The following FAM98B variants were observed in gnomAD, a reference collection of about 807,000 sequenced individuals.
FAM98B encodes the protein tRNA splicing ligase complex subunit 3B.
FAM98B carries 32 observed loss-of-function variants against 43.9 expected under a neutral mutation model. The observed-to-expected ratio is 0.73, with a 90% CI of 0.55 to 0.98. The LOEUF (loss-of-function observed/expected upper bound fraction) is 0.98, where lower values mean the gene tolerates loss of function less well. Among genes scored for constraint, FAM98B ranks in the 50% least tolerant of loss-of-function variants. FAM98B has a pLI of 0.00. For missense variants in FAM98B, 514 were observed against 522.9 expected (o/e 0.98, Z 0.17); for synonymous variants, 190 against 174.0 (o/e 1.09, Z -0.72).
At chr15:38,467,403 C>T (rs546349182) in intron 3 of FAM98B, among the ~76,000 whole-genome samples, 4 of 152,138 alleles carry the variant, frequency 2.6e-5, no homozygotes, top group Non-Finnish European at 5.9e-5. Context: ...CATGAACACG[C>T]ATTCTACAGA....
chr15:38,479,886 T>C (rs1048319579), intron 6 of FAM98B, among the ~76,000 whole-genome samples: 1 of 152,216 alleles, frequency 6.6e-6, no homozygotes, highest in Non-Finnish European at 1.5e-5. Flanking sequence ...TTAGCCTCTT[T>C]ATTGCTAACT....
Position 38,487,338 on chromosome 15 carries a change from TG to T in FAM98B, c.*2680del, listed in dbSNP as rs1890393471. ...GAGGCATGACAACCTAAAAAAAATT[TG>T]TGACCAGAAAAATGTCCTGAGCAGT... On this transcript the variant is annotated 3_prime_UTR_variant, in exon 8 of 8. Transcript: ENST00000397609. 1 of 152,090 alleles carries T rather than the reference TG, an allele frequency of 6.6e-6. No homozygotes were observed. Among genetic ancestry groups the T allele is most frequent in the African/African-American group, 2.4e-5 (1 of 41,444 alleles). 9.4% of individuals were successfully genotyped at this position (152,090 alleles called of 1,614,324 possible).
chr15:38,473,012 G>C (rs1566899794), intron 4 of FAM98B, among the ~76,000 whole-genome samples: 2 of 152,126 alleles, frequency 1.3e-5, no homozygotes, highest in Non-Finnish European at 2.9e-5. Context: ...ATGAAAATAT[G>C]TATGTGATGA....
At position 38,465,372 on chromosome 15, in the gene FAM98B, A is replaced by G; in HGVS notation, c.321A>G (p.Leu107=). 6.2e-7 allele frequency: 1 copy of G among 1,604,014 alleles called. No individual in the cohort carries two copies. The highest frequency in any genetic ancestry group is 8.5e-7 in the Non-Finnish European group (1 of 1,176,312). Residue 107 remains leucine (L), a synonymous_variant, in exon 3 of 8, where the codon TTA becomes TTG. Transcript: ENST00000397609. ...VLISGDIKDR[L]KKKEDCLKLL... The stretch of plus-strand genomic sequence containing the variant: ...TATCAGGAGATATTAAAGATCGTTT[A>G]AAAAAGAAGGAGGACTGTTTGAAAC...
chr15:38,473,703 A>T (rs1030492530), intron 5 of FAM98B, 118 bp downstream of exon 5: 2 of 718,414 alleles, frequency 2.8e-6, no homozygotes, highest in Non-Finnish European at 4.5e-6. Context: ...TGTAGAATTA[A>T]AATTGATTGA....
intron 3 of FAM98B, among the ~76,000 whole-genome samples, chr15:38,468,417 G>A (rs941512236): frequency 4.6e-5 from 7 of 151,920 alleles, no homozygotes; most frequent in African/African-American, 7.3e-5. Flanking sequence ...TTGTAAAGAT[G>A]GGTCTGTGTT....
chr15:38,477,659 G>C (rs1011942904), intron 6 of FAM98B, among the ~76,000 whole-genome samples: 1 of 152,160 alleles, frequency 6.6e-6, no homozygotes, highest in African/African-American at 2.4e-5. Context: ...CAGGTACTAT[G>C]TACCTGGTTC....
intron 5 of FAM98B, 119 bp downstream of exon 5, chr15:38,473,704 AATTG>A (rs1346915972): frequency 6.2e-5 from 45 of 720,064 alleles, no homozygotes; most frequent in Non-Finnish European, 9.3e-5. Flanking sequence ...GTAGAATTAA[AATTG>A]ATTGATATTC....
At chr15:38,455,444 TTGTTTC>T (rs1271063837) in intron 1 of FAM98B, among the ~76,000 whole-genome samples, 8 of 152,220 alleles carry the variant, frequency 5.3e-5, no homozygotes, top group Non-Finnish European at 1.2e-4. Context: ...CCTCTATCAA[TTGTTTC>T]TTTAGTTGAA....
intron 1 of FAM98B, chr15:38,459,152 G>T (rs1889904529): frequency 2.9e-6 from 1 of 348,964 alleles, no homozygotes. Context: ...CTGCTTGAGT[G>T]GTCTCCTCAA....
In FAM98B at chr15:38,465,344, T is replaced by G; in HGVS notation, c.293T>G (p.Leu98Arg). ...LKEMACPYSV[L>R]ISGDIKDRLK... ...GAAATGGCATGTCCATATTCTGTAC[T>G]CATATCAGGAGATATTAAAGATCGT... Residue 98 changes from leucine (L) to arginine (R), a missense_variant, in exon 3 of 8, where the codon CTC becomes CGC. Around this residue, in one of 2 missense-constraint regions of FAM98B, gnomAD observed 469 missense variants for 451.8 expected, o/e 1.04. Transcript: ENST00000397609. 2 of 1,610,998 alleles carry G rather than the reference T, an allele frequency of 1.2e-6. No individual in the cohort carries two copies. Among genetic ancestry groups the G allele is most frequent in the Non-Finnish European group, 8.5e-7 (1 of 1,178,820 alleles).
In FAM98B at chr15:38,465,358, ATTAAAGATCGT is replaced by A; in HGVS notation, c.313_323del (p.Asp105LysfsTer28). The stretch of plus-strand genomic sequence containing the variant: ...ATATTCTGTACTCATATCAGGAGAT[ATTAAAGATCGT>A]TTAAAAAAGAAGGAGGACTGTTTGA... On this transcript the variant is annotated frameshift_variant, in exon 3 of 8. Coordinates refer to ENST00000397609, the MANE Select transcript of FAM98B (RefSeq NM_173611.4). LOFTEE classifies it high-confidence loss of function. The A allele has an allele frequency of 6.2e-7, 1 of 1,606,482 alleles. No homozygotes were observed. Among genetic ancestry groups the A allele is most frequent in the Non-Finnish European group, 8.5e-7 (1 of 1,177,278 alleles).
intron 3 of FAM98B, among the ~76,000 whole-genome samples, chr15:38,469,274 T>G (rs1283109334): frequency 6.6e-6 from 1 of 152,218 alleles, no homozygotes; most frequent in African/African-American, 2.4e-5. Flanking sequence ...TTAAGATTTT[T>G]GAGTAATTTT....
intron 3 of FAM98B, among the ~76,000 whole-genome samples, chr15:38,469,151 C>G (rs1467400690): frequency 6.6e-6 from 1 of 152,234 alleles, no homozygotes; most frequent in Non-Finnish European, 1.5e-5. Context: ...GGTAATCTGC[C>G]TGCTTCAGCT....
chr15:38,463,110 C>A (rs537394359), intron 1 of FAM98B, among the ~76,000 whole-genome samples: 5 of 152,114 alleles, frequency 3.3e-5, no homozygotes, highest in Non-Finnish European at 7.4e-5. Flanking sequence ...GAAAACTGAT[C>A]ATCTAATTCA....
At chr15:38,475,066 T>A (rs1442580143) in intron 6 of FAM98B, among the ~76,000 whole-genome samples, 1 of 149,054 alleles carries the variant, frequency 6.7e-6, no homozygotes, top group African/African-American at 2.4e-5. Flanking sequence ...TCAGGTATTA[T>A]TATTTTTACA....
intron 3 of FAM98B, 48 bp from the exon 4 acceptor site, chr15:38,470,179 G>A (rs112881844): frequency 0.019 from 24,601 of 1,274,822 alleles, 293 homozygotes; most frequent in South Asian, 0.023. Context: ...AATATTTCAA[G>A]AGATTCTTAT....
At position 38,485,239 on chromosome 15, in the gene FAM98B, T is replaced by G. The variant is rs1237512482; in HGVS notation, c.*580T>G. On this transcript the variant is annotated 3_prime_UTR_variant, in exon 8 of 8. Transcript: ENST00000397609. ...CATGTTTCTGTTAAAGTTTCATTAA[T>G]TGAAGCCCAAGTTTACTTTTTACTG... 1 of 152,248 alleles carries G rather than the reference T, an allele frequency of 6.6e-6. No homozygotes were observed. The highest frequency in any genetic ancestry group is 1.5e-5 in the Non-Finnish European group (1 of 68,048). The allele number at this position is 152,248 out of a possible 1,614,324, so 9.4% of individuals were successfully genotyped here.
Position 38,456,764 on chromosome 15 carries a change from T to C in FAM98B, c.71+2532T>C, listed in dbSNP as rs148086908. On this transcript the variant is annotated intron_variant, in intron 1 of 7. Coordinates refer to ENST00000397609, the MANE Select transcript of FAM98B (RefSeq NM_173611.4). ...TGGATGAAAAAGGGGGACAAAGATA[T>C]CCTTACAGTGAGAAGAAAATGTGAA... 1.7e-4 allele frequency among the ~76,000 whole-genome samples: 26 copies of C among 152,260 alleles called. No homozygotes were observed. In the East Asian group the frequency reaches 4.4e-3, roughly 26 times the overall value.
Sources: gnomAD v4.1 joint callset for allele counts (sites outside exome capture counted in the v4.1 genomes callset) on GRCh38, gnomAD v4.1.1 for gene constraint, gnomAD v4.1.1 regional missense constraint, MANE v1.5 for transcripts, NCBI Gene and HGNC (gene_info 2026-07-23, HGNC 2026-07-21) for gene names.